HCN1: variants seen among roughly 807,000 people sequenced by gnomAD.
HCN1 encodes potassium/sodium hyperpolarization-activated cyclic nucleotide-gated channel 1.
Under a neutral mutation model 78.9 loss-of-function variants are expected in HCN1, and 13 were observed. The ratio of observed to expected loss-of-function variants is 0.16; its 90% CI spans 0.11 to 0.26. HCN1 has a LOEUF of 0.26. Among genes scored for constraint, HCN1 ranks in the 10% least tolerant of loss-of-function variants. The pLI is 1.00. For synonymous variants in HCN1, 552 were observed against 455.5 expected, an observed-to-expected ratio of 1.21 and a Z score of -2.70; for missense variants, 810 against 1,154.3, an observed-to-expected ratio of 0.70 and a Z score of 4.32.
At chr5:45,316,264 C>A (rs1745989923) in intron 5 of HCN1, among the ~76,000 whole-genome samples, 1 of 152,066 alleles carries the variant, frequency 6.6e-6, no homozygotes, top group Admixed American at 6.6e-5. Flanking sequence ...TCAACATATG[C>A]AAATCAATAA....
chr5:45,265,398 G>A (rs757675386), intron 7 of HCN1, among the ~76,000 whole-genome samples: 1 of 152,132 alleles, frequency 6.6e-6, no homozygotes, highest in African/African-American at 2.4e-5. Flanking sequence ...TTCCAATTAA[G>A]TAAGGATGCC....
intron 3 of HCN1, among the ~76,000 whole-genome samples, chr5:45,448,022 G>C (rs1200980073): frequency 6.6e-6 from 1 of 151,552 alleles, no homozygotes. Context: ...AAATTACAAA[G>C]ATATTATGGT....
At chr5:45,602,094 C>T (rs928597383) in intron 2 of HCN1, among the ~76,000 whole-genome samples, 1 of 152,018 alleles carries the variant, frequency 6.6e-6, no homozygotes, top group African/African-American at 2.4e-5. Context: ...GTGCCTTCTG[C>T]CGTGATTGTA....
chr5:45,364,024 T>C (rs1747180559), intron 4 of HCN1, among the ~76,000 whole-genome samples: 1 of 152,134 alleles, frequency 6.6e-6, no homozygotes, highest in Non-Finnish European at 1.5e-5. Context: ...TAGGCTCTGC[T>C]ACTAGGAGAT....
intron 2 of HCN1, among the ~76,000 whole-genome samples, chr5:45,517,594 C>G (rs1742538428): frequency 6.8e-6 from 1 of 147,848 alleles, no homozygotes; most frequent in South Asian, 2.1e-4. Flanking sequence ...AGCTGTATTT[C>G]CCACCCATCC....
At chr5:45,417,866 C>A (rs897935982) in intron 3 of HCN1, among the ~76,000 whole-genome samples, 1 of 147,350 alleles carries the variant, frequency 6.8e-6, no homozygotes, top group African/African-American at 2.5e-5. Context: ...GCTAGAGAAA[C>A]AACTGTCAGG....
intron 4 of HCN1, among the ~76,000 whole-genome samples, chr5:45,360,091 G>T (rs991567094): frequency 6.6e-6 from 1 of 150,952 alleles, no homozygotes; most frequent in African/African-American, 2.4e-5. Context: ...ATAATAAATA[G>T]TAATTATTAG....
intron 3 of HCN1, among the ~76,000 whole-genome samples, chr5:45,460,416 T>C (rs1741122490): frequency 6.6e-6 from 1 of 152,200 alleles, no homozygotes; most frequent in East Asian, 1.9e-4. Context: ...GAAATACATT[T>C]CTGTTTTTTA....
chr5:45,604,960 C>T (rs1744696867), intron 2 of HCN1, among the ~76,000 whole-genome samples: 1 of 151,982 alleles, frequency 6.6e-6, no homozygotes, highest in Non-Finnish European at 1.5e-5. Context: ...GAGTTACCCA[C>T]ATCTCAGCAA....
At chr5:45,528,352 T>C (rs1699806060) in intron 2 of HCN1, among the ~76,000 whole-genome samples, 2 of 151,980 alleles carry the variant, frequency 1.3e-5, no homozygotes, top group South Asian at 4.1e-4. Context: ...GTTTTAGAGT[T>C]ATATAGCAAG....
At chr5:45,519,015 G>A (rs1468828531) in intron 2 of HCN1, among the ~76,000 whole-genome samples, 2 of 151,582 alleles carry the variant, frequency 1.3e-5, no homozygotes, top group Non-Finnish European at 2.9e-5. Context: ...AATTTTCACA[G>A]AGGGCCCTAA....
At chr5:45,313,526 C>T (rs186849080) in intron 5 of HCN1, among the ~76,000 whole-genome samples, 40 of 152,266 alleles carry the variant, frequency 2.6e-4, no homozygotes, top group Middle Eastern at 3.4e-3. Context: ...AGAATGACTT[C>T]GATGAGTTGA....
chr5:45,479,082 A>G (rs1270012728), intron 2 of HCN1, among the ~76,000 whole-genome samples: 1 of 151,628 alleles, frequency 6.6e-6, no homozygotes, highest in Non-Finnish European at 1.5e-5. Context: ...AACAGAGATC[A>G]TGCCACTGCA....
intron 2 of HCN1, among the ~76,000 whole-genome samples, chr5:45,534,675 A>T (rs1307407676): frequency 6.6e-6 from 1 of 151,956 alleles, no homozygotes; most frequent in East Asian, 1.9e-4. Context: ...AGCCAAAAAA[A>T]AAATAAACAT....
intron 2 of HCN1, among the ~76,000 whole-genome samples, chr5:45,535,094 A>C (rs1330381106): frequency 6.6e-6 from 1 of 152,232 alleles, no homozygotes; most frequent in Non-Finnish European, 1.5e-5. Flanking sequence ...AACAATAGCA[A>C]TATGCCTTTA....
intron 3 of HCN1, among the ~76,000 whole-genome samples, chr5:45,458,313 G>A (rs575642810): frequency 5.1e-4 from 78 of 151,940 alleles, no homozygotes; most frequent in Non-Finnish European, 8.2e-4. Context: ...ATACAATGAA[G>A]AAGAATAAAC....
intron 2 of HCN1, among the ~76,000 whole-genome samples, chr5:45,534,795 C>A (rs1742934502): frequency 6.6e-6 from 1 of 152,020 alleles, no homozygotes; most frequent in African/African-American, 2.4e-5. Context: ...TGCTAAATAG[C>A]CAAGGTGAAT....
chr5:45,350,209 G>T (rs1365308436), intron 5 of HCN1, among the ~76,000 whole-genome samples: 2 of 152,110 alleles, frequency 1.3e-5, no homozygotes, highest in South Asian at 2.1e-4. Context: ...GGGATGCAAG[G>T]CTGGTTCAAT....
At chr5:45,447,616 C>A (rs1231331597) in intron 3 of HCN1, among the ~76,000 whole-genome samples, 1 of 152,168 alleles carries the variant, frequency 6.6e-6, no homozygotes, top group Non-Finnish European at 1.5e-5. Context: ...TACATATCTT[C>A]ATCTTTGTTG....
Sources: allele counts gnomAD v4.1 joint callset (sites outside exome capture counted in the v4.1 genomes callset), GRCh38; gene constraint gnomAD v4.1.1; transcripts MANE v1.5; gene names NCBI Gene and HGNC (gene_info 2026-07-23, HGNC 2026-07-21).